The following TXNRD2 variants were observed in gnomAD, a reference collection of about 807,000 sequenced individuals.
The protein encoded by TXNRD2 is thioredoxin reductase 2, mitochondrial.
Under a neutral mutation model 70.8 loss-of-function variants are expected in TXNRD2, and 67 were observed. That is an observed-to-expected ratio of 0.95 (90% CI 0.78 to 1.16). TXNRD2 has a LOEUF of 1.16. TXNRD2 is among the 50% of genes most tolerant of loss of function. The pLI is 0.00. For synonymous variants in TXNRD2, 301 were observed against 295.8 expected (o/e 1.02, Z -0.18); for missense variants, 644 against 719.9 (o/e 0.89, Z 1.21).
chr22:19,908,441 C>G (rs1454939486), intron 8 of TXNRD2, among the ~76,000 whole-genome samples: 1 of 152,006 alleles, frequency 6.6e-6, no homozygotes, highest in Non-Finnish European at 1.5e-5. Flanking sequence ...CAGAAAACAT[C>G]AAGAAAACAG....
At chr22:19,889,478 G>A (rs918693531) in intron 11 of TXNRD2, among the ~76,000 whole-genome samples, 2 of 152,138 alleles carry the variant, frequency 1.3e-5, no homozygotes, top group African/African-American at 2.4e-5. Context: ...GGGCGCGGTG[G>A]CGGGTGCCTG....
intron 1 of TXNRD2, chr22:19,933,325 A>C (rs768393264): frequency 5.0e-6 from 3 of 598,402 alleles, no homozygotes; most frequent in Non-Finnish European, 8.4e-6. Flanking sequence ...ACTGCTGGTC[A>C]GGGAGAAAAT....
At chr22:19,925,239 G>C (rs542040795) in intron 2 of TXNRD2, among the ~76,000 whole-genome samples, 1 of 151,796 alleles carries the variant, frequency 6.6e-6, no homozygotes, top group Non-Finnish European at 1.5e-5. Flanking sequence ...AGCTGAGATC[G>C]CACCACTGCA....
chr22:19,881,498 A>T (rs1001450204), intron 12 of TXNRD2: 2 of 167,568 alleles, frequency 1.2e-5, no homozygotes, highest in Non-Finnish European at 2.5e-5. Flanking sequence ...GTTGGGTGTT[A>T]ACTCTTTGGA....
chr22:19,938,526 C>T (rs1489929384), intron 1 of TXNRD2, among the ~76,000 whole-genome samples: 1 of 152,138 alleles, frequency 6.6e-6, no homozygotes, highest in East Asian at 1.9e-4. Context: ...AATTTATGGC[C>T]TTCCTCCTGG....
At chr22:19,928,772 C>T (rs1262193880) in intron 2 of TXNRD2, among the ~76,000 whole-genome samples, 2 of 152,058 alleles carry the variant, frequency 1.3e-5, no homozygotes, top group Non-Finnish European at 2.9e-5. Flanking sequence ...TTTGGGAGGC[C>T]GAGGCAGGCG....
At chr22:19,917,276 CTG>C (rs1242525421) in intron 5 of TXNRD2, among the ~76,000 whole-genome samples, 1 of 152,184 alleles carries the variant, frequency 6.6e-6, no homozygotes, top group Admixed American at 6.5e-5. Context: ...CCCCAGGAAA[CTG>C]TACCAGGGGA....
intron 7 of TXNRD2, among the ~76,000 whole-genome samples, chr22:19,914,227 C>T (rs990703694): frequency 6.6e-6 from 1 of 152,236 alleles, no homozygotes; most frequent in Non-Finnish European, 1.5e-5. Context: ...TACCACATGA[C>T]CCAGCAGTTC....
Position 19,877,216 on chromosome 22 carries a change from C to G in TXNRD2, c.1464G>C (p.Ala488=). The G allele has an allele frequency of 6.2e-7, 1 of 1,611,032 alleles. No homozygotes were observed. Among genetic ancestry groups the G allele is most frequent in the Non-Finnish European group, 8.5e-7 (1 of 1,178,388 alleles). Residue 488 remains alanine (A), a synonymous_variant, in exon 17 of 18, where the codon GCG becomes GCC. Coordinates refer to ENST00000400521, the MANE Select transcript of TXNRD2 (RefSeq NM_006440.5). ...GGATACCCACGGTCCGCATCACCTGCGCATAGGAAGCCCCACACCTGCACA... is the reference window on the plus strand; with the variant it reads ...GGATACCCACGGTCCGCATCACCTGGGCATAGGAAGCCCCACACCTGCACA... ...ALGIKCGASY[A]QVMRTVGIHP...
At chr22:19,879,297 G>A (rs1938648029) in intron 14 of TXNRD2, among the ~76,000 whole-genome samples, 1 of 152,186 alleles carries the variant, frequency 6.6e-6, no homozygotes, top group Admixed American at 6.5e-5. Context: ...CACCGCCCAG[G>A]CTGCAGGCTC....
At position 19,919,520 on chromosome 22, in the gene TXNRD2, G is replaced by A. The variant is rs1259763543; in HGVS notation, c.229+23C>T. 9 of 1,553,786 alleles carry A rather than the reference G, an allele frequency of 5.8e-6. No homozygotes were observed. In the South Asian group the frequency reaches 5.9e-5, roughly 10 times the overall value. Reference sequence around the variant, plus strand: ...TCCCACCTCCTTCCCCAGGACACCCGGCTCCCATAGGGTGCTGCCTACCTT... The same window carrying A: ...TCCCACCTCCTTCCCCAGGACACCCAGCTCCCATAGGGTGCTGCCTACCTT... On this transcript the variant is annotated intron_variant, in intron 3 of 17. Coordinates refer to ENST00000400521, the MANE Select transcript of TXNRD2 (RefSeq NM_006440.5).
intron 11 of TXNRD2, among the ~76,000 whole-genome samples, chr22:19,892,397 G>C (rs1184786957): frequency 6.6e-6 from 1 of 152,274 alleles, no homozygotes; most frequent in Non-Finnish European, 1.5e-5. Flanking sequence ...GGGAAGCAGG[G>C]TCAGAGGCCA....
At chr22:19,880,524 T>C (rs1938719874) in intron 13 of TXNRD2, 98 bp downstream of exon 13, 2 of 1,138,362 alleles carry the variant, frequency 1.8e-6, no homozygotes, top group African/African-American at 3.1e-5. Context: ...CACATCTACA[T>C]GCAGACACAC....
At chr22:19,908,994 CA>C (rs1011329645) in intron 8 of TXNRD2, among the ~76,000 whole-genome samples, 1 of 152,072 alleles carries the variant, frequency 6.6e-6, no homozygotes, top group Non-Finnish European at 1.5e-5. Flanking sequence ...CACCTGAGGT[CA>C]GGAGTTTGAG....
At chr22:19,936,078 G>A (rs201966112) in intron 1 of TXNRD2, among the ~76,000 whole-genome samples, 14 of 152,182 alleles carry the variant, frequency 9.2e-5, no homozygotes, top group African/African-American at 3.1e-4. Context: ...AAAAGGGAAC[G>A]TTAGATGTGG....
intron 11 of TXNRD2, among the ~76,000 whole-genome samples, chr22:19,887,014 C>T (rs1355103289): frequency 6.6e-6 from 1 of 152,188 alleles, no homozygotes; most frequent in Non-Finnish European, 1.5e-5. Context: ...GGGCAGGCGG[C>T]GCACAGCACT....
chr22:19,940,450 G>A (rs1256213386), intron 1 of TXNRD2, among the ~76,000 whole-genome samples: 1 of 152,054 alleles, frequency 6.6e-6, no homozygotes, highest in Non-Finnish European at 1.5e-5. Flanking sequence ...CTTAAAATAG[G>A]AAGATAAGGG....
intron 7 of TXNRD2, among the ~76,000 whole-genome samples, chr22:19,914,643 G>A (rs12167777): frequency 0.032 from 4,896 of 152,252 alleles, 267 homozygotes; most frequent in African/African-American, 0.11. Context: ...GGGGCTGGGG[G>A]AGGAGGCGCT....
chr22:19,894,465 A>G (rs1431208274), intron 11 of TXNRD2: 1 of 152,772 alleles, frequency 6.5e-6, no homozygotes, highest in Non-Finnish European at 1.5e-5. Flanking sequence ...TTTTATGTTA[A>G]AAACAACAAA....
Sources: allele counts gnomAD v4.1 joint callset (sites outside exome capture counted in the v4.1 genomes callset), GRCh38; gene constraint gnomAD v4.1.1; transcripts MANE v1.5; gene names NCBI Gene and HGNC (gene_info 2026-07-23, HGNC 2026-07-21).